SLC24A2: variants seen among roughly 807,000 people sequenced by gnomAD.
SLC24A2 encodes solute carrier family 24 member 2, also known as sodium/potassium/calcium exchanger 2.
SLC24A2 carries 36 observed loss-of-function variants against 62.0 expected under a neutral mutation model. That is an observed-to-expected ratio of 0.58 (90% confidence interval 0.44 to 0.77). SLC24A2 has a LOEUF of 0.77. Among genes scored for constraint, SLC24A2 ranks in the 30% least tolerant of loss-of-function variants. SLC24A2 has a pLI of 0.00. For missense variants in SLC24A2, 846 were observed against 817.9 expected (o/e 1.03, Z -0.42); for synonymous variants, 358 against 294.0 (o/e 1.22, Z -2.23).
At chr9:20,160,726 A>C in the SLC24A2 span, among the ~76,000 whole-genome samples, 1 of 151,230 alleles carries the variant, frequency 6.6e-6, no homozygotes, top group African/African-American at 2.4e-5. Context: ...ATAAAAACCT[A>C]CGTATTAGAA....
chr9:19,511,015 G>C lies in SLC24A2; in HGVS notation c.*5138C>G, dbSNP rs911648962. The stretch of plus-strand genomic sequence containing the variant: ...TGTGAGGAAGGCATGCAAAATGCCA[G>C]TGTGTACATTAGCTGGGGGGAGTCA... On this transcript the variant is annotated 3_prime_UTR_variant, in exon 11 of 11. Coordinates refer to ENST00000341998, the MANE Select transcript of SLC24A2 (RefSeq NM_020344.4). 2.0e-5 allele frequency: 3 copies of C among 152,296 alleles called. No individual in the cohort carries two copies. Among genetic ancestry groups the C allele is most frequent in the Non-Finnish European group, 4.4e-5 (3 of 68,110 alleles). 9.4% of individuals were successfully genotyped at this position (152,296 alleles called of 1,614,324 possible).
At chr9:20,067,361 T>C in the SLC24A2 span, among the ~76,000 whole-genome samples, 1 of 152,222 alleles carries the variant, frequency 6.6e-6, no homozygotes, top group Non-Finnish European at 1.5e-5. Context: ...GACTTGGTCT[T>C]CATATTCTGT....
At chr9:19,925,058 G>T in the SLC24A2 span, among the ~76,000 whole-genome samples, 1 of 152,154 alleles carries the variant, frequency 6.6e-6, no homozygotes, top group African/African-American at 2.4e-5. Flanking sequence ...TTGGCATCCA[G>T]CACCAAAGTA....
chr9:20,255,651 T>C, the SLC24A2 span, among the ~76,000 whole-genome samples: 1 of 152,110 alleles, frequency 6.6e-6, no homozygotes, highest in African/African-American at 2.4e-5. Flanking sequence ...CCTCACAGTA[T>C]GGAGAGTGGA....
intron 8 of SLC24A2, among the ~76,000 whole-genome samples, chr9:19,547,103 C>T (rs542465314): frequency 1.3e-5 from 2 of 152,306 alleles, no homozygotes; most frequent in Non-Finnish European, 2.9e-5. Flanking sequence ...CTTTATGTCT[C>T]TTAAGCACTG....
At chr9:19,831,885 T>C in the SLC24A2 span, among the ~76,000 whole-genome samples, 1 of 152,214 alleles carries the variant, frequency 6.6e-6, no homozygotes, top group African/African-American at 2.4e-5. Context: ...TCAATAAAAA[T>C]GTTAGTAACT....
the SLC24A2 span, among the ~76,000 whole-genome samples, chr9:20,296,186 A>G: frequency 2.6e-4 from 39 of 152,254 alleles, no homozygotes; most frequent in Admixed American, 2.5e-3. Context: ...GCATATACTT[A>G]CGAAATGTAT....
the SLC24A2 span, among the ~76,000 whole-genome samples, chr9:20,148,481 G>C: frequency 1.3e-5 from 2 of 152,048 alleles, no homozygotes; most frequent in Non-Finnish European, 2.9e-5. Flanking sequence ...AGCTGGATGT[G>C]AGTTATGACT....
chr9:19,728,483 A>G (rs537486837), intron 2 of SLC24A2, among the ~76,000 whole-genome samples: 1 of 152,132 alleles, frequency 6.6e-6, no homozygotes, highest in East Asian at 1.9e-4. Context: ...GTTTCAGCTC[A>G]GGAGACTACA....
At chr9:19,789,869 T>C (rs1364496127), upstream of SLC24A2, among the ~76,000 whole-genome samples, 2 of 152,126 alleles carry the variant, frequency 1.3e-5, no homozygotes, top group Admixed American at 6.5e-5. Flanking sequence ...TCCCCTCTCC[T>C]TACCCTCCAT....
the SLC24A2 span, among the ~76,000 whole-genome samples, chr9:20,064,114 A>T: frequency 1.3e-5 from 2 of 152,258 alleles, no homozygotes; most frequent in African/African-American, 2.4e-5. Flanking sequence ...TGGTATATCC[A>T]TATAGTGGAA....
the SLC24A2 span, among the ~76,000 whole-genome samples, chr9:20,138,104 G>A: frequency 6.6e-6 from 1 of 152,068 alleles, no homozygotes; most frequent in Non-Finnish European, 1.5e-5. Context: ...GAAAACCAAG[G>A]TAACTTTTTT....
At chr9:19,941,980 T>A in the SLC24A2 span, among the ~76,000 whole-genome samples, 1 of 152,184 alleles carries the variant, frequency 6.6e-6, no homozygotes, top group East Asian at 1.9e-4. Context: ...AATGTAGGGA[T>A]TTTAGACAAT....
chr9:20,152,362 C>T, the SLC24A2 span, among the ~76,000 whole-genome samples: 1 of 151,906 alleles, frequency 6.6e-6, no homozygotes. Context: ...GACTTTAAAA[C>T]TCTCTGTGGA....
chr9:19,589,369 A>T (rs1836481192), intron 5 of SLC24A2, among the ~76,000 whole-genome samples: 1 of 152,238 alleles, frequency 6.6e-6, no homozygotes. Flanking sequence ...GCCAGGTTAG[A>T]AAAGAAACTG....
At chr9:20,081,087 A>G in the SLC24A2 span, among the ~76,000 whole-genome samples, 1 of 152,230 alleles carries the variant, frequency 6.6e-6, no homozygotes, top group Non-Finnish European at 1.5e-5. Context: ...TCAGGGATCT[A>G]GAACTGGAAA....
At chr9:20,277,217 A>G in the SLC24A2 span, among the ~76,000 whole-genome samples, 1 of 152,228 alleles carries the variant, frequency 6.6e-6, no homozygotes, top group South Asian at 2.1e-4. Context: ...AATGGCAACA[A>G]AAGCCAAAAT....
the SLC24A2 span, among the ~76,000 whole-genome samples, chr9:20,092,042 G>A: frequency 6.6e-6 from 1 of 152,172 alleles, no homozygotes; most frequent in Admixed American, 6.5e-5. Flanking sequence ...GCTAAATGAT[G>A]AGAACACATG....
chr9:19,810,656 G>A, the SLC24A2 span, among the ~76,000 whole-genome samples: 1 of 152,232 alleles, frequency 6.6e-6, no homozygotes, highest in Non-Finnish European at 1.5e-5. Flanking sequence ...GTCCGCTTAA[G>A]TAGCCAGTTA....
Sources: allele counts gnomAD v4.1 joint callset (sites outside exome capture counted in the v4.1 genomes callset), GRCh38; gene constraint gnomAD v4.1.1; transcripts MANE v1.5; gene names NCBI Gene and HGNC (gene_info 2026-07-23, HGNC 2026-07-21).